The following RXFP2 variants were observed in gnomAD, a reference collection of about 807,000 sequenced individuals.
RXFP2 encodes the protein relaxin family peptide receptor 2, also known as relaxin receptor 2.
A neutral mutation model predicts 88.6 loss-of-function variants in RXFP2; 68 were observed. The ratio of observed to expected loss-of-function variants is 0.77; its 90% CI spans 0.63 to 0.94. The LOEUF is 0.94. Among genes scored for constraint, RXFP2 ranks in the 40% least tolerant of loss-of-function variants. RXFP2 has a pLI of 0.00. For synonymous variants in RXFP2, 329 were observed against 306.8 expected (o/e 1.07, Z -0.76); for missense variants, 791 against 893.9 (o/e 0.88, Z 1.47).
At chr13:31,792,651 A>C (rs756746326) in intron 15 of RXFP2, 27 bp from the exon 16 acceptor site, 2 of 1,610,368 alleles carry the variant, frequency 1.2e-6, no homozygotes, top group Non-Finnish European at 1.7e-6. Context: ...GAAACTGATG[A>C]CATACACTGT....
At chr13:31,753,301 C>G (rs1871758611) in intron 1 of RXFP2, among the ~76,000 whole-genome samples, 1 of 152,158 alleles carries the variant, frequency 6.6e-6, no homozygotes, top group South Asian at 2.1e-4. Flanking sequence ...CAAAAAATAG[C>G]CTTGAGCAGC....
intron 2 of RXFP2, 26 bp from the exon 3 acceptor site, chr13:31,761,698 G>T: frequency 6.6e-7 from 1 of 1,508,222 alleles, no homozygotes; most frequent in South Asian, 1.1e-5. Flanking sequence ...TAGAATAAGT[G>T]ACACATCTCA....
At chr13:31,755,733 C>A (rs1871915048) in intron 1 of RXFP2, among the ~76,000 whole-genome samples, 2 of 152,182 alleles carry the variant, frequency 1.3e-5, no homozygotes, top group South Asian at 4.1e-4. Flanking sequence ...ACCCCAGTGC[C>A]ATGCAGTGGA....
chr13:31,756,552 A>T (rs1198346927), intron 1 of RXFP2, among the ~76,000 whole-genome samples: 1 of 151,858 alleles, frequency 6.6e-6, no homozygotes, highest in Non-Finnish European at 1.5e-5. Context: ...ATTCCCTTCA[A>T]TGAGTCATGA....
rs145651415 is a variant in RXFP2, at chr13:31,773,177, A to G, written c.498-1443A>G. The stretch of plus-strand genomic sequence containing the variant: ...GAACCTTCAACCAAAAGCAGAATGT[A>G]TGCTGCTCTGTGAAGCATCTCCCCA... On this transcript the variant is annotated intron_variant, in intron 5 of 17. Coordinates refer to ENST00000298386, the MANE Select transcript of RXFP2 (RefSeq NM_130806.5). Among the ~76,000 whole-genome samples the G allele has an allele frequency of 2.6e-5, 4 of 152,358 alleles. No homozygotes were observed. The East Asian group carries it at 7.7e-4, about 29-fold the overall frequency.
Position 31,764,935 on chromosome 13 carries a change from T to G in RXFP2, c.320-102T>G, listed in dbSNP as rs544703157. On this transcript the variant is annotated intron_variant, in intron 3 of 17. Transcript: ENST00000298386. ...ATGAGTTCATTTAACAGATGTAAATTTTATACATTCGATGAAAAGAAAACA... is the reference window on the plus strand; with the variant it reads ...ATGAGTTCATTTAACAGATGTAAATGTTATACATTCGATGAAAAGAAAACA... 106 of 711,898 alleles carry G rather than the reference T, an allele frequency of 1.5e-4. No homozygotes were observed. The East Asian group carries it at 2.8e-3, about 19-fold the overall frequency. The allele number at this position is 711,898 out of a possible 1,614,324, so 44.1% of individuals were successfully genotyped here. A position where few individuals can be genotyped will look rare whatever the true frequency, so the allele number is the denominator to read the frequency against.
chr13:31,784,348 A>G (rs909581653), intron 11 of RXFP2, among the ~76,000 whole-genome samples: 4 of 152,188 alleles, frequency 2.6e-5, no homozygotes, highest in African/African-American at 9.7e-5. Flanking sequence ...AGGCTTAACT[A>G]GAACAAGGCA....
intron 2 of RXFP2, among the ~76,000 whole-genome samples, chr13:31,760,252 C>T (rs1872242122): frequency 6.6e-6 from 1 of 152,028 alleles, no homozygotes; most frequent in South Asian, 2.1e-4. Context: ...CCATGCCCAG[C>T]TAATTTTTTT....
intron 2 of RXFP2, among the ~76,000 whole-genome samples, chr13:31,760,899 A>G (rs978228356): frequency 2.6e-5 from 4 of 152,214 alleles, no homozygotes; most frequent in Non-Finnish European, 4.4e-5. Context: ...TTTACATATG[A>G]CAAATTGACA....
chr13:31,788,732 A>C (rs1159689911), intron 13 of RXFP2, among the ~76,000 whole-genome samples: 1 of 152,210 alleles, frequency 6.6e-6, no homozygotes, highest in Non-Finnish European at 1.5e-5. Context: ...AGATTCTCAC[A>C]AAACTCACTT....
In RXFP2 at chr13:31,769,201, G is replaced by A. The variant is rs182503853; in HGVS notation, c.497+3174G>A. Among the ~76,000 whole-genome samples, 432 of 152,256 alleles carry A rather than the reference G, an allele frequency of 2.8e-3. 2 individuals are homozygous for A. The highest frequency in any genetic ancestry group is 0.01 in the African/African-American group (416 of 41,548). ...TAAAATATATAATTTGTTAGGTGGT[G>A]GTGAGGGCTAAAAATAAACCAGAAA... On this transcript the variant is annotated intron_variant, in intron 5 of 17. Transcript: ENST00000298386.
chr13:31,770,819 C>T (rs1388454367), intron 5 of RXFP2, among the ~76,000 whole-genome samples: 2 of 152,150 alleles, frequency 1.3e-5, no homozygotes, highest in Admixed American at 6.5e-5. Flanking sequence ...GACAGTCCTC[C>T]TGGTTCTCTC....
rs1874403372 is a variant in RXFP2, at chr13:31,802,522, A to G, written c.*117A>G. 9.0e-7 allele frequency: 1 copy of G among 1,107,854 alleles called. No homozygotes were observed. Among genetic ancestry groups the G allele is most frequent in the Non-Finnish European group, 1.4e-6 (1 of 734,292 alleles). 68.6% of individuals were successfully genotyped at this position (1,107,854 alleles called of 1,614,324 possible). A position where few individuals can be genotyped will look rare whatever the true frequency, so the allele number is the denominator to read the frequency against. ...CAACGGCAAGCCTTTCTGCACAGAG[A>G]GCACAGCAGAATGGCTCCTGTCACT... is the stretch of plus-strand genomic sequence containing the variant. On this transcript the variant is annotated 3_prime_UTR_variant, in exon 18 of 18. Coordinates refer to ENST00000298386, the MANE Select transcript of RXFP2 (RefSeq NM_130806.5).
Position 31,791,992 on chromosome 13 carries a change from A to G in RXFP2, c.1332A>G (p.Lys444=), listed in dbSNP as rs143180732. The G allele has an allele frequency of 2.5e-5, 40 of 1,614,138 alleles. No individual in the cohort carries two copies. In the African/African-American group the frequency reaches 4.5e-4, roughly 18 times the overall value. Residue 444 remains lysine, a synonymous_variant, in exon 15 of 18, where the codon AAA becomes AAG. Transcript: ENST00000298386. Reference sequence around the variant, plus strand: ...TCATTGGCATGAGATCTTTCATTAAAGCTGAAAATACAACTCACGCTATGT... The same window carrying G: ...TCATTGGCATGAGATCTTTCATTAAGGCTGAAAATACAACTCACGCTATGT... ...LFVIGMRSFI[K]AENTTHAMSI...
Position 31,792,067 on chromosome 13 carries a change from G to T in RXFP2, c.1375+32G>T, listed in dbSNP as rs376244816. On this transcript the variant is annotated intron_variant, in intron 15 of 17. Coordinates refer to ENST00000298386, the MANE Select transcript of RXFP2 (RefSeq NM_130806.5). ...ATGTTTCCAGTATAAGTAGATTAAG[G>T]ATATCTTCTGTGAGTTGTGCACTAG... 4.1e-4 allele frequency: 604 copies of T among 1,483,842 alleles called. 2 individuals carry two copies. Among genetic ancestry groups the T allele is most frequent in the Admixed American group, 9.2e-4 (55 of 59,628 alleles). The allele number at this position is 1,483,842 out of a possible 1,614,324, so 91.9% of individuals were successfully genotyped here. A position where few individuals can be genotyped will look rare whatever the true frequency, so the allele number is the denominator to read the frequency against.
chr13:31,802,528 G>A lies in RXFP2; in HGVS notation c.*123G>A. 1 of 1,044,140 alleles carries A rather than the reference G, an allele frequency of 9.6e-7. No homozygotes were observed. Among genetic ancestry groups the A allele is most frequent in the East Asian group, 2.4e-5 (1 of 42,298 alleles). 64.7% of individuals were successfully genotyped at this position (1,044,140 alleles called of 1,614,324 possible). On this transcript the variant is annotated 3_prime_UTR_variant, in exon 18 of 18. Coordinates refer to ENST00000298386, the MANE Select transcript of RXFP2 (RefSeq NM_130806.5). ...CAAGCCTTTCTGCACAGAGAGCACAGCAGAATGGCTCCTGTCACTGCATTC... is the reference window on the plus strand; with the variant it reads ...CAAGCCTTTCTGCACAGAGAGCACAACAGAATGGCTCCTGTCACTGCATTC...
At chr13:31,753,035 T>C (rs1439179370) in intron 1 of RXFP2, among the ~76,000 whole-genome samples, 1 of 152,182 alleles carries the variant, frequency 6.6e-6, no homozygotes, top group Non-Finnish European at 1.5e-5. Flanking sequence ...CGTCTGACTT[T>C]TGTTAAACAC....
rs755289691 is a variant in RXFP2 at position 31,792,800 on chromosome 13, T to C, written c.1498T>C (p.Phe500Leu). ...GAGCGTGCAGTGCCGCCTCATGGGG[T>C]TCCTGGCCATGCTGTCCACCGAAGT... ...MESVQCRLMG[F>L]LAMLSTEVSV... Residue 500 changes from phenylalanine to leucine, a missense_variant, in exon 16 of 18, where the codon TTC (phenylalanine) becomes CTC (leucine). Phe to Leu is a conservative substitution (Grantham distance 22, BLOSUM62 0). Coordinates refer to ENST00000298386, the MANE Select transcript of RXFP2 (RefSeq NM_130806.5). 6.2e-7 allele frequency: 1 copy of C among 1,614,010 alleles called. No homozygotes were observed. Among genetic ancestry groups the C allele is most frequent in the Non-Finnish European group, 8.5e-7 (1 of 1,180,010 alleles).
intron 17 of RXFP2, among the ~76,000 whole-genome samples, chr13:31,800,187 C>A (rs181056072): frequency 5.9e-5 from 9 of 152,268 alleles, no homozygotes; most frequent in Admixed American, 5.9e-4. Context: ...CAACCCTGTC[C>A]CCACCCTCCA....
Sources: gnomAD v4.1 joint callset for allele counts (sites outside exome capture counted in the v4.1 genomes callset) on GRCh38, gnomAD v4.1.1 for gene constraint, MANE v1.5 for transcripts, NCBI Gene and HGNC (gene_info 2026-07-23, HGNC 2026-07-21) for gene names.